Variants in CLPX observed in about 807,000 individuals in gnomAD.
The protein encoded by CLPX is ATP-dependent clpX-like chaperone, mitochondrial.
In CLPX, 34 loss-of-function variants were observed where a neutral mutation model predicts 76.4. The observed-to-expected ratio is 0.45, with a 90% CI of 0.34 to 0.59. The LOEUF is 0.59. Ranked by LOEUF, CLPX falls within the 20% of genes least tolerant of loss-of-function variation. The pLI, the probability that CLPX is intolerant of heterozygous loss-of-function variation, is 0.01. For synonymous variants in CLPX, 248 were observed against 270.9 expected (o/e 0.92, Z 0.83); for missense variants, 613 against 757.0 (o/e 0.81, Z 2.23).
In CLPX at chr15:65,185,333, T is replaced by A; in HGVS notation, c.-180A>T. 3.5e-6 allele frequency: 2 copies of A among 571,388 alleles called. No homozygotes were observed. Among genetic ancestry groups the A allele is most frequent in the South Asian group, 4.1e-5 (2 of 48,464 alleles). 35.4% of individuals were successfully genotyped at this position (571,388 alleles called of 1,614,324 possible). A position where few individuals can be genotyped will look rare whatever the true frequency, so the allele number is the denominator to read the frequency against. The stretch of plus-strand genomic sequence containing the variant: ...GCTTCTCTGCCCCACAGCCGTCTAT[T>A]CACCAGAGTAGACACCCAACCCCCC... On this transcript the variant is annotated 5_prime_UTR_variant, in exon 1 of 14. Transcript: ENST00000300107.
chr15:65,150,714 G>A lies in CLPX; in HGVS notation c.*109C>T. On this transcript the variant is annotated 3_prime_UTR_variant, in exon 14 of 14. Transcript: ENST00000300107. ...TTCTCCTAAAGGCTTCTCTGACCAT[G>A]TATGATATCCAAGATAGATCCAATG... 1.6e-6 allele frequency: 1 copy of A among 610,102 alleles called. No individual in the cohort carries two copies. Among genetic ancestry groups the A allele is most frequent in the South Asian group, 3.2e-5 (1 of 31,166 alleles). 37.8% of individuals were successfully genotyped at this position (610,102 alleles called of 1,614,324 possible).
intron 11 of CLPX, among the ~76,000 whole-genome samples, chr15:65,154,154 C>A (rs999660241): frequency 2.0e-5 from 3 of 152,126 alleles, no homozygotes; most frequent in African/African-American, 7.2e-5. Context: ...GGGCACTGTT[C>A]TCAATGATCC....
Position 65,166,793 on chromosome 15 carries a change from A to G in CLPX, c.359-8T>C, listed in dbSNP as rs1489128155. The G allele has an allele frequency of 1.2e-6, 2 of 1,610,346 alleles. No individual in the cohort carries two copies. Among genetic ancestry groups the G allele is most frequent in the Non-Finnish European group, 1.7e-6 (2 of 1,178,666 alleles). ...TGACAAAACGGGTGGATGCTGTAAA[A>G]GAAAACAGACATAAGTAGAGGGAAA... On this transcript the variant is annotated splice_polypyrimidine_tract_variant and splice_region_variant and intron_variant, in intron 3 of 13. Transcript: ENST00000300107.
intron 3 of CLPX, among the ~76,000 whole-genome samples, chr15:65,170,642 G>A (rs1312851478): frequency 1.3e-5 from 2 of 151,756 alleles, no homozygotes; most frequent in African/African-American, 4.8e-5. Flanking sequence ...GCGGGTGCCT[G>A]TAATCCCAGC....
intron 1 of CLPX, among the ~76,000 whole-genome samples, chr15:65,183,233 CG>C (rs1566988403): frequency 6.6e-6 from 1 of 151,618 alleles, no homozygotes; most frequent in Non-Finnish European, 1.5e-5. Flanking sequence ...GAGGCCGAGG[CG>C]GACGGATCAC....
At chr15:65,175,642 A>G (rs2088080856) in intron 3 of CLPX, among the ~76,000 whole-genome samples, 1 of 152,196 alleles carries the variant, frequency 6.6e-6, no homozygotes, top group Non-Finnish European at 1.5e-5. Context: ...GCACCCCTAC[A>G]TGAAATCTGA....
At chr15:65,165,575 C>G (rs976831931) in intron 4 of CLPX, among the ~76,000 whole-genome samples, 9 of 151,236 alleles carry the variant, frequency 6.0e-5, no homozygotes, top group Non-Finnish European at 1.2e-4. Context: ...TTAGTAGAGA[C>G]GGGGTTTCAC....
intron 13 of CLPX, 71 bp from the exon 14 acceptor site, chr15:65,150,984 C>T: frequency 9.5e-7 from 1 of 1,051,778 alleles, no homozygotes; most frequent in Non-Finnish European, 1.4e-6. Context: ...AAAATCAAAA[C>T]AGCAAAGTAA....
intron 8 of CLPX, 146 bp downstream of exon 8, chr15:65,157,600 G>C (rs2140617756): frequency 2.5e-6 from 2 of 794,344 alleles, no homozygotes; most frequent in Middle Eastern, 3.1e-4. Context: ...CCCTTAATCA[G>C]TATGCTAGAA....
chr15:65,168,512 A>G (rs1206022539), intron 3 of CLPX, among the ~76,000 whole-genome samples: 1 of 146,422 alleles, frequency 6.8e-6, no homozygotes, highest in African/African-American at 2.5e-5. Context: ...AAAACCAAAC[A>G]CCGCATGTTC....
At chr15:65,183,879 T>A (rs2088216149) in intron 1 of CLPX, among the ~76,000 whole-genome samples, 1 of 152,250 alleles carries the variant, frequency 6.6e-6, no homozygotes, top group Admixed American at 6.5e-5. Flanking sequence ...AATATTAATA[T>A]ATATCAGATA....
chr15:65,151,992 C>A (rs1007660468), intron 13 of CLPX, among the ~76,000 whole-genome samples: 9 of 152,008 alleles, frequency 5.9e-5, no homozygotes, highest in African/African-American at 2.2e-4. Flanking sequence ...TGCAGTGGTG[C>A]GATCTTGGCT....
chr15:65,161,500 A>C (rs899025327), intron 6 of CLPX, among the ~76,000 whole-genome samples: 46 of 152,190 alleles, frequency 3.0e-4, no homozygotes, highest in Admixed American at 2.2e-3. Context: ...ATTTGTTTCT[A>C]AGTCAATCTT....
chr15:65,156,630 A>T, intron 9 of CLPX: 1 of 474,326 alleles, frequency 2.1e-6, no homozygotes, highest in East Asian at 3.3e-5. Context: ...CTGTTCTTCA[A>T]AATATTTTAA....
intron 6 of CLPX, 43 bp from the exon 7 acceptor site, chr15:65,158,794 T>G: frequency 6.7e-7 from 1 of 1,489,360 alleles, no homozygotes; most frequent in Non-Finnish European, 9.0e-7. Flanking sequence ...TCATTTGAAT[T>G]TACTTGAAGA....
chr15:65,180,242 G>C (rs914027903), intron 1 of CLPX, 38 bp from the exon 2 acceptor site: 3 of 1,489,596 alleles, frequency 2.0e-6, no homozygotes, highest in Non-Finnish European at 2.7e-6. Flanking sequence ...ATATAGACAT[G>C]CCTCAATAAA....
chr15:65,167,555 A>T lies in CLPX; in HGVS notation c.359-770T>A, dbSNP rs8023600. On this transcript the variant is annotated intron_variant, in intron 3 of 13. Transcript: ENST00000300107. ...TATTTTAATTCCTAAAAATGTAAAA[A>T]ATGTATATTCTTTACATTCTCTTAA... is the stretch of plus-strand genomic sequence containing the variant. 7.1e-3 allele frequency among the ~76,000 whole-genome samples: 1,084 copies of T among 152,222 alleles called. 15 individuals are homozygous for T. Among genetic ancestry groups the T allele is most frequent in the African/African-American group, 0.025 (1,020 of 41,550 alleles).
intron 6 of CLPX, among the ~76,000 whole-genome samples, chr15:65,162,113 G>A (rs1566981129): frequency 6.6e-6 from 1 of 152,040 alleles, no homozygotes; most frequent in East Asian, 1.9e-4. Context: ...GGAATAGGTG[G>A]AACACAACAG....
At chr15:65,167,713 TAAA>T (rs753139026) in intron 3 of CLPX, among the ~76,000 whole-genome samples, 3 of 132,662 alleles carry the variant, frequency 2.3e-5, no homozygotes, top group Non-Finnish European at 1.6e-5. Context: ...CCGTCTCTAC[TAAA>T]AAAAAAAAAA....
Sources: allele counts gnomAD v4.1 joint callset (sites outside exome capture counted in the v4.1 genomes callset), GRCh38; gene constraint gnomAD v4.1.1; transcripts MANE v1.5; gene names NCBI Gene and HGNC (gene_info 2026-07-23, HGNC 2026-07-21).